SLC5A4: variants seen among roughly 807,000 people sequenced by gnomAD.
The protein encoded by SLC5A4 is solute carrier family 5 member 4.
SLC5A4 carries 55 observed loss-of-function variants against 70.3 expected under a neutral mutation model. The ratio of observed to expected loss-of-function variants is 0.78; its 90% CI spans 0.63 to 0.98. SLC5A4 has a LOEUF of 0.98. SLC5A4 is among the 50% of genes least tolerant of loss of function. SLC5A4 has a pLI of 0.00. For synonymous variants in SLC5A4, 268 were observed against 305.7 expected (o/e 0.88, Z 1.29); for missense variants, 735 against 839.2 (o/e 0.88, Z 1.53).
Position 32,231,189 on chromosome 22 carries a change from A to G in SLC5A4, c.1022-114T>C, listed in dbSNP as rs145049825. 14 of 697,886 alleles carry G rather than the reference A, an allele frequency of 2.0e-5. No individual in the cohort carries two copies. The African/African-American group carries it at 2.5e-4, about 12-fold the overall frequency. 43.2% of individuals were successfully genotyped at this position (697,886 alleles called of 1,614,324 possible). ...AGGAAGGAAAGACATTTGCCTGGAAACTGGAGATTCAATTTTGAACTCCAT... is the reference window on the plus strand; with the variant it reads ...AGGAAGGAAAGACATTTGCCTGGAAGCTGGAGATTCAATTTTGAACTCCAT... On this transcript the variant is annotated intron_variant, in intron 9 of 14. Transcript: ENST00000266086.
the SLC5A4 span, among the ~76,000 whole-genome samples, chr22:32,337,840 C>CTT: frequency 2.0e-5 from 3 of 147,420 alleles, no homozygotes; most frequent in African/African-American, 7.5e-5. Context: ...TGCAAATAAC[C>CTT]TTGCCAGCAC....
the SLC5A4 span, among the ~76,000 whole-genome samples, chr22:32,354,454 G>A: frequency 4.7e-5 from 7 of 149,224 alleles, no homozygotes; most frequent in African/African-American, 1.7e-4. Context: ...ATGATGCCCT[G>A]GATATAACAC....
chr22:32,274,087 T>C, the SLC5A4 span, among the ~76,000 whole-genome samples: 1 of 151,010 alleles, frequency 6.6e-6, no homozygotes, highest in Non-Finnish European at 1.5e-5. Context: ...TCACCCAGGC[T>C]GGAGTGCAGT....
At chr22:32,319,249 C>A in the SLC5A4 span, among the ~76,000 whole-genome samples, 2 of 151,928 alleles carry the variant, frequency 1.3e-5, no homozygotes, top group African/African-American at 4.8e-5. Flanking sequence ...GGAACTCACA[C>A]CATGGGTTCT....
rs754068826 is a variant in SLC5A4, at chr22:32,251,757, T to G, written c.312+13A>C. The G allele has an allele frequency of 1.3e-6, 2 of 1,510,868 alleles. No homozygotes were observed. Among genetic ancestry groups the G allele is most frequent in the Non-Finnish European group, 1.8e-6 (2 of 1,085,700 alleles). 93.6% of individuals were successfully genotyped at this position (1,510,868 alleles called of 1,614,324 possible). A position where few individuals can be genotyped will look rare whatever the true frequency, so the allele number is the denominator to read the frequency against. On this transcript the variant is annotated intron_variant, in intron 3 of 14. Transcript: ENST00000266086. ...GTTTTGATTTGAAGGAAAAAGCCTA[T>G]GATGTCACTTACAGTCCATTCAAAT...
intron 8 of SLC5A4, among the ~76,000 whole-genome samples, chr22:32,234,624 G>T (rs1411385142): frequency 6.6e-6 from 1 of 152,098 alleles, no homozygotes; most frequent in Non-Finnish European, 1.5e-5. Context: ...ACCTGAACCC[G>T]GGAGGTGGAG....
chr22:32,288,182 T>C, the SLC5A4 span, among the ~76,000 whole-genome samples: 1 of 152,180 alleles, frequency 6.6e-6, no homozygotes, highest in African/African-American at 2.4e-5. Flanking sequence ...CTGGATTTGC[T>C]GACAATTTCA....
intron 14 of SLC5A4, among the ~76,000 whole-genome samples, chr22:32,219,925 G>T (rs1924978909): frequency 6.6e-6 from 1 of 151,646 alleles, no homozygotes; most frequent in South Asian, 2.1e-4. Context: ...CACTAAATGG[G>T]CACAATCCTA....
intron 5 of SLC5A4, among the ~76,000 whole-genome samples, chr22:32,246,058 G>A (rs1172353236): frequency 1.3e-5 from 2 of 152,216 alleles, no homozygotes; most frequent in South Asian, 2.1e-4. Context: ...GGTGTGCACG[G>A]CACATTTTCT....
chr22:32,320,576 C>T, the SLC5A4 span, among the ~76,000 whole-genome samples: 1 of 152,198 alleles, frequency 6.6e-6, no homozygotes. Flanking sequence ...GCTTTCCTTT[C>T]CTGGGTGTTA....
chr22:32,272,914 C>T, the SLC5A4 span: 3 of 525,574 alleles, frequency 5.7e-6, no homozygotes, highest in African/African-American at 3.8e-5. Context: ...AGGCCTCAAC[C>T]TCCGCACCTT....
At chr22:32,231,298 G>T (rs1925749877) in intron 9 of SLC5A4, among the ~76,000 whole-genome samples, 1 of 152,194 alleles carries the variant, frequency 6.6e-6, no homozygotes, top group Admixed American at 6.5e-5. Context: ...CATGGGATAG[G>T]GGCTCCCTTG....
At chr22:32,252,245 A>G (rs1022795266) in intron 2 of SLC5A4, among the ~76,000 whole-genome samples, 12 of 151,808 alleles carry the variant, frequency 7.9e-5, no homozygotes, top group Non-Finnish European at 1.2e-4. Context: ...AAAAAAAAAA[A>G]AGAAAATAGA....
the SLC5A4 span, among the ~76,000 whole-genome samples, chr22:32,284,046 A>G: frequency 6.6e-6 from 1 of 152,192 alleles, no homozygotes. Context: ...CCCCCTCAAT[A>G]AAACCCTCTC....
chr22:32,351,744 A>AGGGTGGGGGGGTGGGG, the SLC5A4 span, among the ~76,000 whole-genome samples: 1 of 1,536 alleles, frequency 6.5e-4, no homozygotes, highest in Non-Finnish European at 1.1e-3. Context: ...CGGTGGGGGG[A>AGGGTGGGGGGGTGGGG]GGGCGGGGGG....
At chr22:32,352,585 C>T in the SLC5A4 span, among the ~76,000 whole-genome samples, 1 of 152,098 alleles carries the variant, frequency 6.6e-6, no homozygotes, top group Non-Finnish European at 1.5e-5. Flanking sequence ...CTCCTCCTTC[C>T]CCTGGCTGCA....
the SLC5A4 span, among the ~76,000 whole-genome samples, chr22:32,303,463 A>G: frequency 7.2e-5 from 11 of 152,344 alleles, no homozygotes; most frequent in East Asian, 2.1e-3. Flanking sequence ...ACAATAGGTC[A>G]GAGGAAGGAA....
the SLC5A4 span, chr22:32,272,052 G>C: frequency 1.6e-6 from 1 of 641,654 alleles, no homozygotes. Flanking sequence ...CTGCTGGGAG[G>C]CTATTCCCAA....
the SLC5A4 span, among the ~76,000 whole-genome samples, chr22:32,290,302 T>C: frequency 1.3e-5 from 2 of 152,180 alleles, no homozygotes; most frequent in Admixed American, 6.5e-5. Flanking sequence ...CCTGTGTCCA[T>C]GTGTTCTCAC....
Sources: gnomAD v4.1 joint callset for allele counts (sites outside exome capture counted in the v4.1 genomes callset) on GRCh38, gnomAD v4.1.1 for gene constraint, MANE v1.5 for transcripts, NCBI Gene and HGNC (gene_info 2026-07-23, HGNC 2026-07-21) for gene names.